TTC28: variants seen among roughly 807,000 people sequenced by gnomAD.
TTC28 encodes tetratricopeptide repeat domain 28, also known as tetratricopeptide repeat protein 28.
Under a neutral mutation model 198.0 loss-of-function variants are expected in TTC28, and 61 were observed. That is an observed-to-expected ratio of 0.31 (90% CI 0.25 to 0.38). The LOEUF (loss-of-function observed/expected upper bound fraction) is 0.38, where lower values mean the gene tolerates loss of function less well. Among genes scored for constraint, TTC28 ranks in the 10% least tolerant of loss-of-function variants. TTC28 has a pLI of 1.00. For synonymous variants in TTC28, 1,171 were observed against 1,297.8 expected, an observed-to-expected ratio of 0.90 and a Z score of 2.10; for missense variants, 2,678 against 3,164.0, an observed-to-expected ratio of 0.85 and a Z score of 3.69.
intron 5 of TTC28, among the ~76,000 whole-genome samples, chr22:28,184,647 A>T (rs910680719): frequency 6.6e-6 from 1 of 152,172 alleles, no homozygotes; most frequent in African/African-American, 2.4e-5. Flanking sequence ...GCATAAAAAT[A>T]TACAAGCTAA....
chr22:28,590,128 A>ATT (rs1212753237), intron 2 of TTC28, among the ~76,000 whole-genome samples: 6 of 135,148 alleles, frequency 4.4e-5, no homozygotes, highest in African/African-American at 1.1e-4. Flanking sequence ...CAATTTCTAA[A>ATT]TTTTTTTTTT....
chr22:28,294,400 C>T (rs914721152), intron 5 of TTC28, among the ~76,000 whole-genome samples: 1 of 152,136 alleles, frequency 6.6e-6, no homozygotes, highest in African/African-American at 2.4e-5. Flanking sequence ...TCCTGTTTAA[C>T]ATCTATAATA....
intron 1 of TTC28, among the ~76,000 whole-genome samples, chr22:28,636,777 C>T (rs1255669037): frequency 6.6e-6 from 1 of 152,034 alleles, no homozygotes; most frequent in African/African-American, 2.4e-5. Context: ...GATATTAACC[C>T]TTATCAGGTA....
At chr22:28,086,287 A>C (rs958711482) in intron 12 of TTC28, among the ~76,000 whole-genome samples, 1 of 152,144 alleles carries the variant, frequency 6.6e-6, no homozygotes, top group Admixed American at 6.6e-5. Context: ...AGCAAATGTA[A>C]AAGATGAGAC....
chr22:28,352,312 CATAT>C (rs35793503), intron 2 of TTC28, among the ~76,000 whole-genome samples: 42,336 of 142,606 alleles, frequency 0.3, 6,447 homozygotes, highest in South Asian at 0.4. Context: ...GAGATATATA[CATAT>C]ATATATATAT....
At chr22:28,197,210 G>C (rs1925443605) in intron 5 of TTC28, among the ~76,000 whole-genome samples, 2 of 146,782 alleles carry the variant, frequency 1.4e-5, no homozygotes, top group Admixed American at 7.1e-5. Flanking sequence ...TCATAGGTGG[G>C]AATTGAACAA....
intron 6 of TTC28, among the ~76,000 whole-genome samples, chr22:28,152,628 A>G (rs1297647088): frequency 1.3e-5 from 2 of 152,228 alleles, no homozygotes; most frequent in Non-Finnish European, 2.9e-5. Flanking sequence ...AATATCATGG[A>G]TACACTTCTA....
chr22:28,346,297 G>C (rs775343923), intron 2 of TTC28, among the ~76,000 whole-genome samples: 33 of 152,144 alleles, frequency 2.2e-4, no homozygotes, highest in Non-Finnish European at 1.8e-4. Context: ...TGTCAAAACG[G>C]GGTACTAAAG....
At chr22:28,268,092 A>G (rs1931802894) in intron 5 of TTC28, among the ~76,000 whole-genome samples, 1 of 152,174 alleles carries the variant, frequency 6.6e-6, no homozygotes, top group East Asian at 1.9e-4. Flanking sequence ...CAAATGGAGG[A>G]TATGAACCAG....
intron 2 of TTC28, among the ~76,000 whole-genome samples, chr22:28,582,076 C>T (rs2050241202): frequency 6.6e-6 from 1 of 151,588 alleles, no homozygotes; most frequent in South Asian, 2.1e-4. Flanking sequence ...CTATAATTAT[C>T]AAACATTTTT....
At chr22:28,172,950 A>G (rs1922822547) in intron 5 of TTC28, among the ~76,000 whole-genome samples, 1 of 152,208 alleles carries the variant, frequency 6.6e-6, no homozygotes, top group African/African-American at 2.4e-5. Context: ...CTGAGATGGC[A>G]TCAGATGAAG....
chr22:28,455,551 A>G (rs2047846465), intron 2 of TTC28, among the ~76,000 whole-genome samples: 1 of 151,860 alleles, frequency 6.6e-6, no homozygotes. Context: ...CCATCTCCCT[A>G]AAAATACAAA....
At chr22:28,011,925 A>G (rs571662939) in intron 14 of TTC28, among the ~76,000 whole-genome samples, 43 of 152,290 alleles carry the variant, frequency 2.8e-4, no homozygotes, top group South Asian at 6.2e-4. Flanking sequence ...CCAATGCAAC[A>G]TTAATGGAAC....
intron 12 of TTC28, among the ~76,000 whole-genome samples, chr22:28,085,626 A>G (rs1001829642): frequency 9.2e-5 from 14 of 152,168 alleles, no homozygotes; most frequent in African/African-American, 2.2e-4. Context: ...TAACCAGCTA[A>G]CATCATAATG....
intron 2 of TTC28, among the ~76,000 whole-genome samples, chr22:28,340,491 A>G (rs2045812329): frequency 6.6e-6 from 1 of 151,930 alleles, no homozygotes; most frequent in Non-Finnish European, 1.5e-5. Flanking sequence ...AAGAAGAAGA[A>G]CACCTAATAT....
At chr22:28,463,173 G>C (rs1180818049) in intron 2 of TTC28, among the ~76,000 whole-genome samples, 1 of 152,214 alleles carries the variant, frequency 6.6e-6, no homozygotes, top group East Asian at 1.9e-4. Flanking sequence ...AAGAAACAGA[G>C]CTGGAACTTA....
intron 5 of TTC28, among the ~76,000 whole-genome samples, chr22:28,248,423 A>C (rs1601528808): frequency 6.6e-6 from 1 of 152,188 alleles, no homozygotes; most frequent in African/African-American, 2.4e-5. Context: ...TAAATTAAGG[A>C]GGATGTTAGA....
intron 12 of TTC28, among the ~76,000 whole-genome samples, chr22:28,057,080 T>C (rs1940319903): frequency 6.6e-6 from 1 of 152,206 alleles, no homozygotes; most frequent in African/African-American, 2.4e-5. Context: ...GGAGGTATTA[T>C]GAATAAAGCT....
At chr22:28,042,913 T>C (rs1165460944) in intron 12 of TTC28, among the ~76,000 whole-genome samples, 2 of 151,944 alleles carry the variant, frequency 1.3e-5, no homozygotes, top group Admixed American at 1.3e-4. Flanking sequence ...GTAGACAGCT[T>C]TGGAGCGAGC....
Sources: gnomAD v4.1 joint callset for allele counts (sites outside exome capture counted in the v4.1 genomes callset) on GRCh38, gnomAD v4.1.1 for gene constraint, MANE v1.5 for transcripts, NCBI Gene and HGNC (gene_info 2026-07-23, HGNC 2026-07-21) for gene names.